KCNT2: variants seen among roughly 807,000 people sequenced by gnomAD.
The protein encoded by KCNT2 is potassium channel subfamily T member 2.
Under a neutral mutation model 153.8 loss-of-function variants are expected in KCNT2, and 67 were observed. The observed-to-expected ratio is 0.44, with a 90% CI of 0.36 to 0.53. The LOEUF (loss-of-function observed/expected upper bound fraction) is 0.53, where lower values mean the gene tolerates loss of function less well. KCNT2 is among the 20% of genes least tolerant of loss of function. The probability of loss-of-function intolerance (pLI) is 0.00; values close to 1 mark genes in which losing one functional copy is unlikely to be tolerated. For synonymous variants in KCNT2, 500 were observed against 458.8 expected, an observed-to-expected ratio of 1.09 and a Z score of -1.15; for missense variants, 975 against 1,354.8, an observed-to-expected ratio of 0.72 and a Z score of 4.40.
intron 8 of KCNT2, among the ~76,000 whole-genome samples, chr1:196,432,968 G>C (rs536680204): frequency 2.0e-5 from 3 of 152,072 alleles, no homozygotes; most frequent in Non-Finnish European, 4.4e-5. Flanking sequence ...AATCCCACAA[G>C]GCAACATTAT....
intron 1 of KCNT2, among the ~76,000 whole-genome samples, chr1:196,516,759 C>T (rs1233065324): frequency 6.6e-6 from 1 of 152,206 alleles, no homozygotes; most frequent in Non-Finnish European, 1.5e-5. Flanking sequence ...TTTTCAGGGA[C>T]AGATCTTCCA....
At chr1:196,590,491 G>A (rs773875312) in intron 1 of KCNT2, among the ~76,000 whole-genome samples, 34 of 152,154 alleles carry the variant, frequency 2.2e-4, no homozygotes, top group African/African-American at 6.0e-4. Flanking sequence ...CCCCAAGCCC[G>A]CACTCCTCCT....
At chr1:196,285,546 C>G in intron 23 of KCNT2, 111 bp downstream of exon 23, 1 of 581,752 alleles carries the variant, frequency 1.7e-6, no homozygotes, top group Non-Finnish European at 3.0e-6. Flanking sequence ...ACTTTTGGAG[C>G]CAATTTTAAG....
intron 26 of KCNT2, among the ~76,000 whole-genome samples, chr1:196,244,459 G>C (rs780497796): frequency 2.6e-5 from 4 of 152,058 alleles, no homozygotes; most frequent in African/African-American, 9.7e-5. Flanking sequence ...TGGGCCAAAG[G>C]GGTGCCTACT....
chr1:196,457,066 A>T (rs1676736480), intron 8 of KCNT2, among the ~76,000 whole-genome samples: 3 of 151,890 alleles, frequency 2.0e-5, no homozygotes, highest in Admixed American at 1.3e-4. Context: ...AATTTTTTAC[A>T]CCCAAACTTT....
intron 13 of KCNT2, among the ~76,000 whole-genome samples, chr1:196,379,576 T>TCTCTCTCTCC (rs1669296047): frequency 7.2e-6 from 1 of 139,266 alleles, no homozygotes; most frequent in African/African-American, 3.1e-5. Context: ...TCTCTCTCTC[T>TCTCTCTCTCC]CTCTCTCTCT....
intron 1 of KCNT2, among the ~76,000 whole-genome samples, chr1:196,518,823 A>T (rs1442355118): frequency 1.3e-5 from 2 of 152,140 alleles, no homozygotes; most frequent in African/African-American, 4.8e-5. Context: ...AGAAACTTAG[A>T]CTTCCACAAA....
At chr1:196,320,145 A>G (rs1311860479) in intron 19 of KCNT2, among the ~76,000 whole-genome samples, 3 of 151,734 alleles carry the variant, frequency 2.0e-5, no homozygotes, top group Admixed American at 1.3e-4. Flanking sequence ...TATACTCTCT[A>G]TATATTATTG....
chr1:196,334,098 G>C, intron 16 of KCNT2, 38 bp from the exon 17 acceptor site: 1 of 1,376,662 alleles, frequency 7.3e-7, no homozygotes. Flanking sequence ...CAAGGCGTTT[G>C]CCATATTGAT....
intron 1 of KCNT2, among the ~76,000 whole-genome samples, chr1:196,511,265 C>T (rs1160280816): frequency 4.6e-5 from 7 of 152,050 alleles, no homozygotes; most frequent in Non-Finnish European, 1.0e-4. Context: ...CTACTGTTCA[C>T]CCCGGTGCTA....
intron 8 of KCNT2, among the ~76,000 whole-genome samples, chr1:196,433,564 C>T (rs1190851109): frequency 6.6e-6 from 1 of 151,998 alleles, no homozygotes; most frequent in African/African-American, 2.4e-5. Context: ...ATTGAATTTA[C>T]ACTTAAAATG....
chr1:196,351,861 T>G (rs1218977407), intron 14 of KCNT2, among the ~76,000 whole-genome samples: 1 of 152,206 alleles, frequency 6.6e-6, no homozygotes. Context: ...TAGCTCTTAT[T>G]ATTTTGAGAT....
At chr1:196,482,452 G>C in intron 3 of KCNT2, 73 bp from the exon 4 acceptor site, 1 of 790,624 alleles carries the variant, frequency 1.3e-6, no homozygotes, top group Non-Finnish European at 2.0e-6. Flanking sequence ...TTCAGTTAAA[G>C]TTGGAAATAT....
At chr1:196,478,066 T>C (rs966135138) in intron 5 of KCNT2, among the ~76,000 whole-genome samples, 1 of 152,236 alleles carries the variant, frequency 6.6e-6, no homozygotes, top group African/African-American at 2.4e-5. Context: ...CTTGGTACGA[T>C]TGTTTCTTAG....
intron 12 of KCNT2, among the ~76,000 whole-genome samples, chr1:196,420,425 A>G (rs1398281667): frequency 3.3e-4 from 50 of 151,634 alleles, no homozygotes. Flanking sequence ...AATGTCCTCA[A>G]ATCCCTATGT....
chr1:196,372,047 C>A (rs1248435283), intron 14 of KCNT2, among the ~76,000 whole-genome samples: 2 of 152,006 alleles, frequency 1.3e-5, no homozygotes, highest in Admixed American at 1.3e-4. Flanking sequence ...ACACTTTCTG[C>A]AAAGAAGATA....
chr1:196,361,029 C>T (rs1667573427), intron 14 of KCNT2, among the ~76,000 whole-genome samples: 1 of 152,002 alleles, frequency 6.6e-6, no homozygotes, highest in Admixed American at 6.6e-5. Flanking sequence ...AAGAAAAAGG[C>T]CTTTCCATGT....
intron 13 of KCNT2, among the ~76,000 whole-genome samples, chr1:196,385,772 A>AAATAT (rs747480460): frequency 3.4e-5 from 5 of 148,530 alleles, no homozygotes; most frequent in East Asian, 2.0e-4. Flanking sequence ...GCATTAAAAA[A>AAATAT]ATATATATAT....
chr1:196,282,566 G>T (rs1389593681), intron 23 of KCNT2, among the ~76,000 whole-genome samples: 2 of 151,970 alleles, frequency 1.3e-5, no homozygotes, highest in Non-Finnish European at 2.9e-5. Flanking sequence ...AGGAAACACA[G>T]GAAATAATTT....
Sources: allele counts gnomAD v4.1 joint callset (sites outside exome capture counted in the v4.1 genomes callset), GRCh38; gene constraint gnomAD v4.1.1; transcripts MANE v1.5; gene names NCBI Gene and HGNC (gene_info 2026-07-23, HGNC 2026-07-21).